Variants in LMX1A observed in about 807,000 individuals in gnomAD.
LMX1A encodes the protein LIM homeobox transcription factor 1-alpha.
In LMX1A, 15 loss-of-function variants were observed where a neutral mutation model predicts 49.1. That is an observed-to-expected ratio of 0.31 (90% CI 0.20 to 0.47). The LOEUF (loss-of-function observed/expected upper bound fraction) is 0.47, where lower values mean the gene tolerates loss of function less well. Ranked by LOEUF, LMX1A falls within the 20% of genes least tolerant of loss-of-function variation. LMX1A has a pLI of 1.00. For missense variants in LMX1A, 372 were observed against 475.8 expected (o/e 0.78, Z 2.03); for synonymous variants, 167 against 185.7 (o/e 0.90, Z 0.82).
At chr1:165,218,952 CA>C (rs1485193575) in intron 4 of LMX1A, 1 of 152,234 alleles carries the variant, frequency 6.6e-6, no homozygotes, top group African/African-American at 2.4e-5. Flanking sequence ...GACACAAACG[CA>C]GCATAAATCT....
At chr1:165,352,904 C>A (rs1656474443) in intron 3 of LMX1A, among the ~76,000 whole-genome samples, 172 bp downstream of exon 3, 1 of 152,268 alleles carries the variant, frequency 6.6e-6, no homozygotes. Context: ...CGGATCTCTG[C>A]CCTACCACCT....
chr1:165,243,303 A>G (rs1652728980), intron 4 of LMX1A, among the ~76,000 whole-genome samples: 1 of 152,240 alleles, frequency 6.6e-6, no homozygotes, highest in African/African-American at 2.4e-5. Context: ...GTAGATAAGT[A>G]AGAAATGCAA....
At chr1:165,285,504 C>CGTTCT (rs1399331508) in intron 3 of LMX1A, among the ~76,000 whole-genome samples, 14 of 152,200 alleles carry the variant, frequency 9.2e-5, no homozygotes, top group African/African-American at 3.4e-4. Context: ...TGTGTCTCTG[C>CGTTCT]GTTGTCTGGC....
chr1:165,230,987 T>C (rs973178558), intron 4 of LMX1A, among the ~76,000 whole-genome samples: 2 of 152,260 alleles, frequency 1.3e-5, no homozygotes, highest in Non-Finnish European at 2.9e-5. Flanking sequence ...GGTGGAGCAC[T>C]AACACTCTGA....
intron 3 of LMX1A, among the ~76,000 whole-genome samples, chr1:165,312,212 G>A (rs1571216557): frequency 6.6e-6 from 1 of 152,208 alleles, no homozygotes; most frequent in East Asian, 1.9e-4. Flanking sequence ...GAACAAGGAA[G>A]AGTTATTGCT....
Position 165,208,305 on chromosome 1 carries a change from G to A in LMX1A, c.748-173C>T, listed in dbSNP as rs1651186173. Among the ~76,000 whole-genome samples the A allele has an allele frequency of 2.0e-5, 3 of 152,340 alleles. No individual in the cohort carries two copies. In the South Asian group the frequency reaches 6.2e-4, roughly 32 times the overall value. On this transcript the variant is annotated intron_variant, in intron 6 of 8. Coordinates refer to ENST00000342310, the MANE Select transcript of LMX1A (RefSeq NM_177398.4). Reference sequence around the variant, plus strand: ...AGCCCCATATGCGAGAAGCATTGCAGCTGAGAGCTCTTCCACTCTGCAGCA... The same window carrying A: ...AGCCCCATATGCGAGAAGCATTGCAACTGAGAGCTCTTCCACTCTGCAGCA...
At chr1:165,214,177 G>A (rs1651550003) in intron 4 of LMX1A, among the ~76,000 whole-genome samples, 1 of 152,176 alleles carries the variant, frequency 6.6e-6, no homozygotes, top group Non-Finnish European at 1.5e-5. Flanking sequence ...GATCATGGGG[G>A]CGGTTTCCCC....
intron 4 of LMX1A, among the ~76,000 whole-genome samples, chr1:165,223,876 C>T (rs56383694): frequency 0.24 from 35,860 of 151,642 alleles, 4,597 homozygotes; most frequent in African/African-American, 0.34. Flanking sequence ...CTTCTGGAGG[C>T]AGTATAACAG....
Position 165,216,439 on chromosome 1 carries a change from G to T in LMX1A, c.497-2626C>A, listed in dbSNP as rs532488300. ...TAAAAACAATGCTTCTTTAGCACTA[G>T]TGATGACTTCAGTGACATTTCTGAG... On this transcript the variant is annotated intron_variant, in intron 4 of 8. Transcript: ENST00000342310. 3.3e-5 allele frequency among the ~76,000 whole-genome samples: 5 copies of T among 152,292 alleles called. No individual in the cohort carries two copies. The East Asian group carries it at 9.7e-4, about 29-fold the overall frequency.
At chr1:165,345,508 T>C (rs548818286) in intron 3 of LMX1A, among the ~76,000 whole-genome samples, 20 of 152,142 alleles carry the variant, frequency 1.3e-4, no homozygotes, top group Admixed American at 1.3e-3. Flanking sequence ...CTCAGGCACT[T>C]GGCACTTCTC....
At chr1:165,339,386 GCCTGAGGAGGCTTATAGA>G (rs759735784) in intron 3 of LMX1A, among the ~76,000 whole-genome samples, 1 of 152,216 alleles carries the variant, frequency 6.6e-6, no homozygotes, top group Non-Finnish European at 1.5e-5. Flanking sequence ...CTGGTTCCAG[GCCTGAGGAGGCTTATAGA>G]CCTGTCTTGG....
chr1:165,233,951 C>A (rs943374293), intron 4 of LMX1A, among the ~76,000 whole-genome samples: 9 of 152,184 alleles, frequency 5.9e-5, no homozygotes, highest in Admixed American at 6.5e-5. Context: ...TGGAACACTG[C>A]AATAGTCTCC....
intron 4 of LMX1A, among the ~76,000 whole-genome samples, chr1:165,235,545 T>A (rs1652401420): frequency 6.6e-6 from 1 of 152,176 alleles, no homozygotes; most frequent in Non-Finnish European, 1.5e-5. Flanking sequence ...TTACTTTTAA[T>A]TAACTCTGCG....
intron 3 of LMX1A, among the ~76,000 whole-genome samples, chr1:165,283,254 T>C (rs1654204807): frequency 1.3e-5 from 2 of 152,344 alleles, no homozygotes; most frequent in East Asian, 1.9e-4. Context: ...GTTTGTAACA[T>C]AGAAGCAATA....
At chr1:165,344,844 G>A (rs1656184777) in intron 3 of LMX1A, among the ~76,000 whole-genome samples, 1 of 152,174 alleles carries the variant, frequency 6.6e-6, no homozygotes, top group African/African-American at 2.4e-5. Context: ...CCTCTCAACT[G>A]CCCATTCCCT....
chr1:165,316,838 G>A (rs927393921), intron 3 of LMX1A, among the ~76,000 whole-genome samples: 4 of 152,092 alleles, frequency 2.6e-5, no homozygotes, highest in Admixed American at 6.5e-5. Context: ...CTCCCCATCC[G>A]GATCCCACAG....
chr1:165,289,688 T>C (rs1276807855), intron 3 of LMX1A, among the ~76,000 whole-genome samples: 1 of 152,098 alleles, frequency 6.6e-6, no homozygotes, highest in African/African-American at 2.4e-5. Context: ...GAGAGCTGAG[T>C]CTGGTTGGAG....
intron 3 of LMX1A, among the ~76,000 whole-genome samples, chr1:165,298,571 G>A (rs1389914991): frequency 6.6e-6 from 1 of 152,174 alleles, no homozygotes; most frequent in South Asian, 2.1e-4. Flanking sequence ...CCCTGTCCAG[G>A]GCCAAGGCAG....
chr1:165,266,383 T>C (rs915080308), intron 3 of LMX1A, among the ~76,000 whole-genome samples: 1 of 151,762 alleles, frequency 6.6e-6, no homozygotes, highest in African/African-American at 2.4e-5. Flanking sequence ...TTTGGACAAA[T>C]AGTAGAGTCC....
Sources: gnomAD v4.1 joint callset for allele counts (sites outside exome capture counted in the v4.1 genomes callset) on GRCh38, gnomAD v4.1.1 for gene constraint, MANE v1.5 for transcripts, NCBI Gene and HGNC (gene_info 2026-07-23, HGNC 2026-07-21) for gene names.